Variants in AFF3 observed in about 807,000 individuals in gnomAD.
AFF3 encodes ALF transcription elongation factor 3.
In AFF3, 32 loss-of-function variants were observed where a neutral mutation model predicts 129.7. The observed-to-expected ratio is 0.25, with a 90% CI of 0.19 to 0.33. AFF3 has a LOEUF of 0.33. Among genes scored for constraint, AFF3 ranks in the 10% least tolerant of loss-of-function variants. The pLI is 1.00. For missense variants in AFF3, 1,373 were observed against 1,592.0 expected (o/e 0.86, Z 2.34); for synonymous variants, 644 against 635.4 (o/e 1.01, Z -0.20).
At position 99,558,985 on chromosome 2, in the gene AFF3, A is replaced by C. The variant is rs768006404; in HGVS notation, c.3192-17T>G. 2 of 1,613,708 alleles carry C rather than the reference A, an allele frequency of 1.2e-6. No homozygotes were observed. The highest frequency in any genetic ancestry group is 2.2e-5 in the South Asian group (2 of 91,068). On this transcript the variant is annotated splice_polypyrimidine_tract_variant and intron_variant, in intron 21 of 24. Coordinates refer to ENST00000672756, the MANE Select transcript of AFF3 (RefSeq NM_001386135.1). ...CATCGGTAACTGCAGGCGAAAAGAG[A>C]AACAGGCCCAGAAGCGGCTGAGTGC...
intron 4 of AFF3, among the ~76,000 whole-genome samples, chr2:100,087,677 G>A (rs1273730850): frequency 6.6e-6 from 1 of 151,652 alleles, no homozygotes; most frequent in African/African-American, 2.4e-5. Context: ...AAGTGTTCAT[G>A]AACTTTCATT....
chr2:99,646,865 T>C (rs995411739), intron 13 of AFF3, among the ~76,000 whole-genome samples: 2 of 152,256 alleles, frequency 1.3e-5, no homozygotes, highest in Non-Finnish European at 2.9e-5. Context: ...AATCATTATT[T>C]TGAAGAAGGG....
Position 99,604,484 on chromosome 2 carries a change from T to C in AFF3, c.1185-2863A>G, listed in dbSNP as rs78657763. ...CTGGGGCCTATTGGAGGGTGGAGGA[T>C]GGGAGGAGGCAGAGGGTCAGGAAAA... On this transcript the variant is annotated intron_variant, in intron 13 of 24. Transcript: ENST00000672756. Among the ~76,000 whole-genome samples, 762 of 152,000 alleles carry C rather than the reference T, an allele frequency of 5.0e-3. 5 individuals carry two copies. The highest frequency in any genetic ancestry group is 0.016 in the African/African-American group (665 of 41,450).
At chr2:99,907,020 C>A (rs974145421) in intron 7 of AFF3, among the ~76,000 whole-genome samples, 1 of 152,136 alleles carries the variant, frequency 6.6e-6, no homozygotes, top group African/African-American at 2.4e-5. Flanking sequence ...TAATGTACTA[C>A]AAGTCTATAT....
At chr2:99,777,947 CAAAAAAA>C (rs576434643) in intron 8 of AFF3, among the ~76,000 whole-genome samples, 9 of 48,314 alleles carry the variant, frequency 1.9e-4, no homozygotes, top group East Asian at 1.8e-3. Context: ...AAAGCAAAAG[CAAAAAAA>C]AAAAAAAAAA....
intron 8 of AFF3, among the ~76,000 whole-genome samples, chr2:99,767,871 G>A (rs2105308994): frequency 6.6e-6 from 1 of 152,324 alleles, no homozygotes; most frequent in Non-Finnish European, 1.5e-5. Flanking sequence ...CATGAACCCG[G>A]GAGGCGGAGC....
chr2:99,644,780 T>C (rs901217359), intron 13 of AFF3, among the ~76,000 whole-genome samples: 1 of 152,232 alleles, frequency 6.6e-6, no homozygotes, highest in Non-Finnish European at 1.5e-5. Context: ...TGCACACATA[T>C]CCTTCCTTCT....
intron 7 of AFF3, among the ~76,000 whole-genome samples, chr2:99,871,197 C>T (rs1370733742): frequency 2.0e-5 from 3 of 152,154 alleles, no homozygotes. Context: ...CAGGAACCAT[C>T]CCCAAGATAT....
intron 7 of AFF3, among the ~76,000 whole-genome samples, chr2:99,951,447 T>C (rs187681246): frequency 6.6e-6 from 1 of 152,290 alleles, no homozygotes; most frequent in East Asian, 1.9e-4. Flanking sequence ...TCCCGTATTT[T>C]TGTAAGATTT....
chr2:99,810,413 G>A (rs1686697068), intron 8 of AFF3, among the ~76,000 whole-genome samples: 1 of 152,216 alleles, frequency 6.6e-6, no homozygotes. Context: ...AGTATTTATG[G>A]AATGCCCACA....
At chr2:99,903,822 A>T (rs1324536085) in intron 7 of AFF3, among the ~76,000 whole-genome samples, 1 of 152,140 alleles carries the variant, frequency 6.6e-6, no homozygotes, top group Non-Finnish European at 1.5e-5. Flanking sequence ...CAACCTGCTG[A>T]TGCTGCCAAT....
At chr2:100,050,512 T>C (rs184038246) in intron 4 of AFF3, among the ~76,000 whole-genome samples, 2 of 152,068 alleles carry the variant, frequency 1.3e-5, no homozygotes, top group Non-Finnish European at 2.9e-5. Flanking sequence ...GTTTCTTGTA[T>C]AAAGACTCAT....
At chr2:99,944,197 G>A (rs555554114) in intron 7 of AFF3, among the ~76,000 whole-genome samples, 6 of 152,206 alleles carry the variant, frequency 3.9e-5, no homozygotes, top group Admixed American at 2.0e-4. Context: ...CACTGCACCC[G>A]GCTCTACTCC....
At chr2:99,956,020 C>G (rs1676606942) in intron 7 of AFF3, among the ~76,000 whole-genome samples, 1 of 151,762 alleles carries the variant, frequency 6.6e-6, no homozygotes, top group East Asian at 1.9e-4. Flanking sequence ...TTATCATGTA[C>G]AGGCATCAGA....
intron 8 of AFF3, among the ~76,000 whole-genome samples, chr2:99,761,097 A>T (rs1315806495): frequency 6.6e-6 from 1 of 151,574 alleles, no homozygotes; most frequent in African/African-American, 2.4e-5. Flanking sequence ...TGGAACTGAG[A>T]ATCCACGTAT....
At chr2:100,028,505 G>GA (rs35393608) in intron 4 of AFF3, among the ~76,000 whole-genome samples, 20,982 of 151,816 alleles carry the variant, frequency 0.14, 1,707 homozygotes, top group South Asian at 0.2. Context: ...TGTTAAATGG[G>GA]AAAAATCACA....
Position 100,076,511 on chromosome 2 carries a change from A to G in AFF3, c.53+27891T>C, listed in dbSNP as rs1688599968. ...AACCTAATACCTCACCAAGTTGCCT[A>G]AGAGACAGGTCTCAAAACACCTATG... On this transcript the variant is annotated intron_variant, in intron 4 of 24. Transcript: ENST00000672756. 2.0e-5 allele frequency among the ~76,000 whole-genome samples: 3 copies of G among 152,180 alleles called. No homozygotes were observed. The South Asian group carries it at 6.2e-4, about 32-fold the overall frequency.
chr2:99,656,194 A>G (rs1389892091), intron 12 of AFF3, among the ~76,000 whole-genome samples: 1 of 152,230 alleles, frequency 6.6e-6, no homozygotes, highest in Non-Finnish European at 1.5e-5. Flanking sequence ...AAACATCAAT[A>G]ACAGTCATAA....
intron 8 of AFF3, among the ~76,000 whole-genome samples, chr2:99,768,771 T>C (rs1439443784): frequency 6.6e-6 from 1 of 152,234 alleles, no homozygotes. Flanking sequence ...GATACACTAT[T>C]CTGGGGTAAA....
Sources: allele counts gnomAD v4.1 joint callset (sites outside exome capture counted in the v4.1 genomes callset), GRCh38; gene constraint gnomAD v4.1.1; transcripts MANE v1.5; gene names NCBI Gene and HGNC (gene_info 2026-07-23, HGNC 2026-07-21).